The following RBFOX1 variants were observed in gnomAD, a reference collection of about 807,000 sequenced individuals.
RBFOX1 encodes the protein RNA binding protein fox-1 homolog 1.
Under a neutral mutation model 57.7 loss-of-function variants are expected in RBFOX1, and 8 were observed. That is an observed-to-expected ratio of 0.14 (90% confidence interval 0.08 to 0.25). The LOEUF (loss-of-function observed/expected upper bound fraction) is 0.25, where lower values mean the gene tolerates loss of function less well. Among genes scored for constraint, RBFOX1 ranks in the 10% least tolerant of loss-of-function variants. RBFOX1 has a pLI of 1.00. For synonymous variants in RBFOX1, 326 were observed against 222.4 expected (o/e 1.47, Z -4.15); for missense variants, 611 against 548.5 (o/e 1.11, Z -1.14).
At chr16:7,215,725 A>ATT (rs56108914) in intron 4 of RBFOX1, among the ~76,000 whole-genome samples, 16,523 of 133,276 alleles carry the variant, frequency 0.12, 1,285 homozygotes, top group Middle Eastern at 0.14. Context: ...CCTATTCTGG[A>ATT]TTTTTTTTTT....
chr16:6,782,852 G>A (rs2081261826), intron 3 of RBFOX1, among the ~76,000 whole-genome samples: 1 of 152,106 alleles, frequency 6.6e-6, no homozygotes, highest in South Asian at 2.1e-4. Flanking sequence ...AACTATCATT[G>A]TGCTGGGGTC....
chr16:5,873,602 G>T (rs1325957870), intron 4 of RBFOX1, among the ~76,000 whole-genome samples: 1 of 152,174 alleles, frequency 6.6e-6, no homozygotes, highest in Non-Finnish European at 1.5e-5. Flanking sequence ...ACAATACTAG[G>T]CCTGGGAATA....
At chr16:6,366,825 A>G (rs549922048) in intron 2 of RBFOX1, among the ~76,000 whole-genome samples, 1 of 152,170 alleles carries the variant, frequency 6.6e-6, no homozygotes, top group Non-Finnish European at 1.5e-5. Context: ...TGGTGTCAGG[A>G]ATCTCTGCTT....
intron 1 of RBFOX1, among the ~76,000 whole-genome samples, chr16:6,050,832 G>A (rs961971183): frequency 2.0e-5 from 3 of 151,676 alleles, no homozygotes; most frequent in African/African-American, 7.3e-5. Flanking sequence ...ATACTCTAGT[G>A]ACTGGAATTT....
At chr16:7,477,240 G>A (rs919418092) in intron 4 of RBFOX1, among the ~76,000 whole-genome samples, 2 of 152,086 alleles carry the variant, frequency 1.3e-5, no homozygotes, top group Non-Finnish European at 2.9e-5. Context: ...ATAAGACATC[G>A]ATGCAAATAT....
intron 2 of RBFOX1, among the ~76,000 whole-genome samples, chr16:5,545,417 A>T (rs1432800796): frequency 1.3e-5 from 2 of 152,200 alleles, no homozygotes; most frequent in Admixed American, 1.3e-4. Context: ...AAGAAGAGGA[A>T]ACTGAAGTCC....
chr16:7,388,298 C>G (rs527565196), intron 4 of RBFOX1, among the ~76,000 whole-genome samples: 1 of 152,096 alleles, frequency 6.6e-6, no homozygotes, highest in Non-Finnish European at 1.5e-5. Context: ...ACTTGCATTG[C>G]TTTCTGGGGA....
intron 1 of RBFOX1, among the ~76,000 whole-genome samples, chr16:6,049,971 T>TTG (rs1555487926): frequency 4.6e-5 from 7 of 151,586 alleles, no homozygotes; most frequent in Admixed American, 3.3e-4. Flanking sequence ...TTTTTTTTTT[T>TTG]GAGAGTGGAA....
chr16:6,057,825 G>GTTT (rs34335596), intron 1 of RBFOX1, among the ~76,000 whole-genome samples: 10,724 of 80,846 alleles, frequency 0.13, 865 homozygotes, highest in African/African-American at 0.21. Context: ...TTTGCTATGG[G>GTTT]TTTTTTTTTT....
intron 3 of RBFOX1, among the ~76,000 whole-genome samples, chr16:6,931,767 T>G (rs1242598386): frequency 6.6e-6 from 1 of 152,200 alleles, no homozygotes; most frequent in Admixed American, 6.5e-5. Context: ...TTTCCTGTGG[T>G]CTGCCACAAA....
chr16:6,354,800 G>A (rs2086994818), intron 2 of RBFOX1, among the ~76,000 whole-genome samples: 1 of 152,094 alleles, frequency 6.6e-6, no homozygotes, highest in African/African-American at 2.4e-5. Context: ...AAAATTCATG[G>A]CACTTACTAA....
intron 2 of RBFOX1, among the ~76,000 whole-genome samples, chr16:6,414,221 A>C (rs971755538): frequency 6.6e-6 from 1 of 152,236 alleles, no homozygotes; most frequent in African/African-American, 2.4e-5. Context: ...AAGGTGGATG[A>C]AAGCAGTGTT....
chr16:6,866,880 G>C (rs1368732283), intron 3 of RBFOX1, among the ~76,000 whole-genome samples: 2 of 151,926 alleles, frequency 1.3e-5, no homozygotes. Context: ...TTTTGCATGT[G>C]TATTACTTGC....
chr16:6,585,593 C>G (rs1377902915), intron 2 of RBFOX1, among the ~76,000 whole-genome samples: 2 of 152,052 alleles, frequency 1.3e-5, no homozygotes, highest in Non-Finnish European at 2.9e-5. Flanking sequence ...TAGGACTCTT[C>G]CAGTCTTGTG....
At chr16:7,171,468 T>C (rs2080689194) in intron 4 of RBFOX1, among the ~76,000 whole-genome samples, 1 of 152,220 alleles carries the variant, frequency 6.6e-6, no homozygotes, top group African/African-American at 2.4e-5. Flanking sequence ...TTGAACTAGA[T>C]TGCAGGATTA....
At chr16:6,732,561 G>A (rs112202679) in intron 3 of RBFOX1, among the ~76,000 whole-genome samples, 136 of 152,326 alleles carry the variant, frequency 8.9e-4, no homozygotes, top group African/African-American at 3.2e-3. Flanking sequence ...ATCCTGAATA[G>A]GCAGACTTTC....
At chr16:7,106,508 CATTA>C (rs2063611064) in intron 4 of RBFOX1, among the ~76,000 whole-genome samples, 1 of 152,070 alleles carries the variant, frequency 6.6e-6, no homozygotes, top group Non-Finnish European at 1.5e-5. Flanking sequence ...TTCAGTAGGT[CATTA>C]ATTCTGCACT....
chr16:7,344,157 C>A (rs1242210198), intron 4 of RBFOX1, among the ~76,000 whole-genome samples: 1 of 89,848 alleles, frequency 1.1e-5, no homozygotes, highest in African/African-American at 4.2e-5. Flanking sequence ...CTGCAGTTTT[C>A]TCTTCGGTAA....
upstream of RBFOX1, chr16:5,239,763 C>A (rs1013034021): frequency 3.0e-5 from 13 of 431,438 alleles, no homozygotes; most frequent in Non-Finnish European, 4.2e-5. Context: ...CCGCGCCGGC[C>A]CCGATGCCCA....
Sources: gnomAD v4.1 joint callset for allele counts (sites outside exome capture counted in the v4.1 genomes callset) on GRCh38, gnomAD v4.1.1 for gene constraint, MANE v1.5 for transcripts, NCBI Gene and HGNC (gene_info 2026-07-23, HGNC 2026-07-21) for gene names.